The following AUTS2 variants were observed in gnomAD, a reference collection of about 807,000 sequenced individuals.
AUTS2 encodes the protein activator of transcription and developmental regulator AUTS2, also known as autism susceptibility gene 2 protein.
A neutral mutation model predicts 112.4 loss-of-function variants in AUTS2; 17 were observed. The observed-to-expected ratio is 0.15, with a 90% CI of 0.10 to 0.23. The LOEUF is 0.23. AUTS2 is among the 10% of genes least tolerant of loss of function. The pLI, the probability that AUTS2 is intolerant of heterozygous loss-of-function variation, is 1.00. For synonymous variants in AUTS2, 751 were observed against 702.7 expected, an observed-to-expected ratio of 1.07 and a Z score of -1.09; for missense variants, 1,510 against 1,701.6, an observed-to-expected ratio of 0.89 and a Z score of 1.98.
At chr7:70,728,974 C>G (rs1352139972) in intron 6 of AUTS2, among the ~76,000 whole-genome samples, 3 of 152,136 alleles carry the variant, frequency 2.0e-5, no homozygotes, top group Non-Finnish European at 2.9e-5. Flanking sequence ...GAACAGCGCT[C>G]TCTCCCAAGG....
At chr7:70,366,157 G>A (rs753137255) in intron 4 of AUTS2, among the ~76,000 whole-genome samples, 3 of 152,106 alleles carry the variant, frequency 2.0e-5, no homozygotes, top group Non-Finnish European at 4.4e-5. Flanking sequence ...GAGAGAGAGA[G>A]GAAGTTCTCC....
intron 4 of AUTS2, among the ~76,000 whole-genome samples, chr7:70,406,055 A>C (rs1404563127): frequency 6.6e-6 from 1 of 151,730 alleles, no homozygotes; most frequent in Admixed American, 6.6e-5. Flanking sequence ...AAAAGAAAAC[A>C]CTCTTTTCAC....
intron 5 of AUTS2, among the ~76,000 whole-genome samples, chr7:70,571,476 G>A (rs1258815434): frequency 6.6e-6 from 1 of 152,232 alleles, no homozygotes. Flanking sequence ...AAAGGTACAG[G>A]ACAGGATGGA....
intron 5 of AUTS2, among the ~76,000 whole-genome samples, chr7:70,463,804 A>G (rs1051845163): frequency 6.6e-6 from 1 of 152,166 alleles, no homozygotes; most frequent in Non-Finnish European, 1.5e-5. Context: ...ATTCCGGAGG[A>G]CACCATGGAG....
chr7:70,663,399 A>G (rs1807174029), intron 5 of AUTS2, among the ~76,000 whole-genome samples: 1 of 152,192 alleles, frequency 6.6e-6, no homozygotes, highest in Non-Finnish European at 1.5e-5. Context: ...TCTGTCTTTT[A>G]AAAAAGAAAA....
chr7:69,987,188 C>T (rs1264250083), intron 2 of AUTS2, among the ~76,000 whole-genome samples: 2 of 152,196 alleles, frequency 1.3e-5, no homozygotes. Flanking sequence ...TAATTTAATT[C>T]ACTTGACAAT....
intron 5 of AUTS2, among the ~76,000 whole-genome samples, chr7:70,539,361 C>A (rs539124448): frequency 6.6e-6 from 1 of 152,194 alleles, no homozygotes; most frequent in African/African-American, 2.4e-5. Flanking sequence ...GTGAGGCCAA[C>A]AACCAGGCTG....
At chr7:70,226,508 C>T (rs754963488) in intron 4 of AUTS2, among the ~76,000 whole-genome samples, 1 of 151,788 alleles carries the variant, frequency 6.6e-6, no homozygotes, top group Admixed American at 6.6e-5. Context: ...CCTGGCCCCC[C>T]CTTTTAATAA....
chr7:69,751,945 T>C (rs1787755231), intron 1 of AUTS2, among the ~76,000 whole-genome samples: 1 of 152,226 alleles, frequency 6.6e-6, no homozygotes, highest in Non-Finnish European at 1.5e-5. Context: ...GAAGTTCTTA[T>C]AATAGTGCCC....
Position 70,429,763 on chromosome 7 carries a change from T to C in AUTS2, c.661-5989T>C, listed in dbSNP as rs992134075. ...TATATATTTGTTTTTCTTTTTCATT[T>C]TTCAAGAATTTGACTTTTTATTATA... is the stretch of plus-strand genomic sequence containing the variant. On this transcript the variant is annotated intron_variant, in intron 4 of 18. Coordinates refer to ENST00000342771, the MANE Select transcript of AUTS2 (RefSeq NM_015570.4). Among the ~76,000 whole-genome samples, 48 of 152,220 alleles carry C rather than the reference T, an allele frequency of 3.2e-4. 1 individual carries two copies. The highest frequency in any genetic ancestry group is 4.4e-5 in the Non-Finnish European group (3 of 68,052).
At position 69,850,284 on chromosome 7, in the gene AUTS2, C is replaced by T. The variant is rs748410782; in HGVS notation, c.310-49002C>T. ...AGTGTACTCCAGTGCAACAGGGTGA[C>T]ACTCTGTCTCAAAAAAACAAAAACA... On this transcript the variant is annotated intron_variant, in intron 1 of 18. Transcript: ENST00000342771. 1.7e-3 allele frequency among the ~76,000 whole-genome samples: 250 copies of T among 150,376 alleles called. 1 individual carries two copies. Among genetic ancestry groups the T allele is most frequent in the South Asian group, 1.5e-3 (7 of 4,718 alleles).
At chr7:70,322,503 T>A (rs1395345976) in intron 4 of AUTS2, among the ~76,000 whole-genome samples, 2 of 152,202 alleles carry the variant, frequency 1.3e-5, no homozygotes, top group Non-Finnish European at 2.9e-5. Context: ...ATCACTTACC[T>A]GTTAGCCTCA....
At chr7:70,444,279 T>G (rs942837975) in intron 5 of AUTS2, among the ~76,000 whole-genome samples, 4 of 152,054 alleles carry the variant, frequency 2.6e-5, no homozygotes, top group African/African-American at 9.7e-5. Flanking sequence ...AGAATTTGTC[T>G]TATACTGTAT....
intron 1 of AUTS2, among the ~76,000 whole-genome samples, chr7:69,792,200 T>C (rs895587368): frequency 1.1e-4 from 16 of 152,130 alleles, no homozygotes; most frequent in African/African-American, 3.6e-4. Context: ...TGATTCTTGA[T>C]TATCTACTAT....
intron 5 of AUTS2, among the ~76,000 whole-genome samples, chr7:70,680,788 T>C (rs1468450558): frequency 6.6e-6 from 1 of 152,230 alleles, no homozygotes; most frequent in Non-Finnish European, 1.5e-5. Context: ...ACTGTATTTT[T>C]ACCAGCCTCC....
chr7:69,932,791 A>T (rs1796272313), intron 2 of AUTS2, among the ~76,000 whole-genome samples: 1 of 152,242 alleles, frequency 6.6e-6, no homozygotes, highest in Non-Finnish European at 1.5e-5. Flanking sequence ...TTATGAGTGT[A>T]CGATAGTGGC....
At chr7:69,651,536 T>C (rs752335593) in intron 1 of AUTS2, among the ~76,000 whole-genome samples, 5 of 152,230 alleles carry the variant, frequency 3.3e-5, no homozygotes, top group Admixed American at 1.3e-4. Context: ...CCGCCTACTA[T>C]ACTTAAAAGG....
chr7:69,868,461 A>G (rs1281941986), intron 1 of AUTS2, among the ~76,000 whole-genome samples: 7 of 152,234 alleles, frequency 4.6e-5, no homozygotes, highest in Admixed American at 4.6e-4. Context: ...TGATGAAGAC[A>G]GTAAATTCTT....
intron 4 of AUTS2, among the ~76,000 whole-genome samples, chr7:70,145,100 G>A (rs2129575718): frequency 6.6e-6 from 1 of 152,076 alleles, no homozygotes; most frequent in Non-Finnish European, 1.5e-5. Flanking sequence ...TTTACTCATT[G>A]CTCTTCTTGT....
Sources: allele counts gnomAD v4.1 joint callset (sites outside exome capture counted in the v4.1 genomes callset), GRCh38; gene constraint gnomAD v4.1.1; transcripts MANE v1.5; gene names NCBI Gene and HGNC (gene_info 2026-07-23, HGNC 2026-07-21).